LYN: variants seen among roughly 807,000 people sequenced by gnomAD.
LYN encodes the protein LYN proto-oncogene, Src family tyrosine kinase.
Under a neutral mutation model 65.0 loss-of-function variants are expected in LYN, and 12 were observed. The observed-to-expected ratio is 0.18, with a 90% CI of 0.12 to 0.30. The LOEUF is 0.30. Ranked by LOEUF, LYN falls within the 10% of genes least tolerant of loss-of-function variation. The pLI, the probability that LYN is intolerant of heterozygous loss-of-function variation, is 1.00. For missense variants in LYN, 380 were observed against 623.2 expected, an observed-to-expected ratio of 0.61 and a Z score of 4.16; for synonymous variants, 222 against 221.2, an observed-to-expected ratio of 1.00 and a Z score of -0.03.
At chr8:55,999,342 G>A in intron 11 of LYN, 76 bp from the exon 12 acceptor site, 1 of 1,314,372 alleles carries the variant, frequency 7.6e-7, no homozygotes, top group Non-Finnish European at 1.1e-6. Flanking sequence ...AGAAAAGAAA[G>A]TATGGGGTCA....
intron 4 of LYN, 44 bp downstream of exon 4, chr8:55,947,767 C>T: frequency 7.7e-7 from 1 of 1,298,562 alleles, no homozygotes; most frequent in Non-Finnish European, 1.1e-6. Context: ...TTCCTCAGGC[C>T]ACTGAGTCCT....
chr8:55,966,666 C>T (rs1563317328), intron 8 of LYN, 49 bp from the exon 9 acceptor site: 1 of 1,562,526 alleles, frequency 6.4e-7, no homozygotes, highest in Non-Finnish European at 8.7e-7. Context: ...CCTCCCCCGG[C>T]TAGATTTTCT....
intron 8 of LYN, among the ~76,000 whole-genome samples, chr8:55,960,927 C>A (rs1807254932): frequency 6.6e-6 from 1 of 152,180 alleles, no homozygotes; most frequent in South Asian, 2.1e-4. Flanking sequence ...CTTGTGACAT[C>A]TGACTTGGGT....
chr8:55,982,875 C>G (rs1012477741), intron 10 of LYN, among the ~76,000 whole-genome samples: 3 of 152,150 alleles, frequency 2.0e-5, no homozygotes, highest in African/African-American at 4.8e-5. Flanking sequence ...TGCAGCCGCT[C>G]CAGCCCCTAC....
chr8:55,929,594 G>A (rs1387343586), intron 1 of LYN, among the ~76,000 whole-genome samples: 1 of 152,144 alleles, frequency 6.6e-6, no homozygotes, highest in East Asian at 1.9e-4. Context: ...CAGATTTCCT[G>A]GCATGAAGCT....
chr8:55,927,106 A>T (rs975164516), intron 1 of LYN, among the ~76,000 whole-genome samples: 3 of 152,238 alleles, frequency 2.0e-5, no homozygotes, highest in African/African-American at 7.2e-5. Flanking sequence ...CATTAATTAA[A>T]ATCTACAGTT....
At chr8:55,907,726 C>A (rs1001572172) in intron 1 of LYN, among the ~76,000 whole-genome samples, 2 of 151,966 alleles carry the variant, frequency 1.3e-5, no homozygotes, top group Non-Finnish European at 2.9e-5. Context: ...ATTAACAGGA[C>A]GTGGTGGTGC....
chr8:55,886,568 A>G (rs899036808), intron 1 of LYN, among the ~76,000 whole-genome samples: 4 of 152,204 alleles, frequency 2.6e-5, no homozygotes, highest in Non-Finnish European at 5.9e-5. Flanking sequence ...TTTGACCACA[A>G]CCCATAGCAA....
At chr8:55,951,032 C>T (rs1043604068) in intron 6 of LYN, among the ~76,000 whole-genome samples, 2 of 151,708 alleles carry the variant, frequency 1.3e-5, no homozygotes, top group Non-Finnish European at 2.9e-5. Context: ...CACTTGAGTC[C>T]AGCAGTTAGA....
intron 9 of LYN, 83 bp downstream of exon 9, chr8:55,966,980 T>A (rs1156294962): frequency 3.1e-6 from 4 of 1,291,686 alleles, no homozygotes; most frequent in Non-Finnish European, 4.3e-6. Flanking sequence ...GTCACTCAAC[T>A]AGTTTAATTA....
intron 10 of LYN, among the ~76,000 whole-genome samples, chr8:55,980,938 C>A (rs562517911): frequency 2.6e-5 from 4 of 152,208 alleles, no homozygotes; most frequent in South Asian, 2.1e-4. Context: ...CAGCTCCCCG[C>A]GGCCGCTTGC....
At chr8:55,951,933 T>C (rs1806962187) in intron 6 of LYN, 33 bp from the exon 7 acceptor site, 1 of 1,589,950 alleles carries the variant, frequency 6.3e-7, no homozygotes, top group Non-Finnish European at 8.6e-7. Context: ...ATTTGTGAGA[T>C]ATAAACATTT....
At chr8:55,952,369 G>A (rs1021656755) in intron 7 of LYN, among the ~76,000 whole-genome samples, 1 of 151,946 alleles carries the variant, frequency 6.6e-6, no homozygotes, top group Non-Finnish European at 1.5e-5. Flanking sequence ...GACCAGCCTG[G>A]CCAACCTGGT....
At chr8:55,885,820 G>A (rs1804775256) in intron 1 of LYN, among the ~76,000 whole-genome samples, 1 of 152,194 alleles carries the variant, frequency 6.6e-6, no homozygotes, top group Admixed American at 6.5e-5. Context: ...GCAAGGAAGT[G>A]ATACTTCCTC....
At position 56,011,838 on chromosome 8, in the gene LYN, C is replaced by T. The variant is rs1332489636; in HGVS notation, c.*1728C>T. On this transcript the variant is annotated 3_prime_UTR_variant, in exon 13 of 13. Coordinates refer to ENST00000519728, the MANE Select transcript of LYN (RefSeq NM_002350.4). ...TGTCTGCACAGCTGGTCCCTTGATT[C>T]AGTGGTAAGGTTTTTGTGTACACCC... 1.1e-5 allele frequency: 2 copies of T among 183,152 alleles called. No individual in the cohort carries two copies. The highest frequency in any genetic ancestry group is 2.0e-3 in the Middle Eastern group (1 of 510). The allele number at this position is 183,152 out of a possible 1,614,324, so 11.3% of individuals were successfully genotyped here.
chr8:55,927,847 A>G (rs1317069853), intron 1 of LYN, among the ~76,000 whole-genome samples: 1 of 152,114 alleles, frequency 6.6e-6, no homozygotes, highest in African/African-American at 2.4e-5. Context: ...AGGGGGAAAA[A>G]AAAAAGAAAG....
Position 55,958,062 on chromosome 8 carries a change from G to A in LYN, c.790+4078G>A, listed in dbSNP as rs1212657823. On this transcript the variant is annotated intron_variant, in intron 8 of 12. Coordinates refer to ENST00000519728, the MANE Select transcript of LYN (RefSeq NM_002350.4). ...CAGGGGGTGCCTGGCGAGGTTGGGA[G>A]CAGGAAGTCAGGAGCTAGGCAGCCT... is the stretch of plus-strand genomic sequence containing the variant. Among the ~76,000 whole-genome samples the A allele has an allele frequency of 3.3e-5, 5 of 152,322 alleles. No individual in the cohort carries two copies. In the East Asian group the frequency reaches 9.6e-4, roughly 29 times the overall value.
intron 12 of LYN, among the ~76,000 whole-genome samples, chr8:56,007,129 A>C (rs1808696289): frequency 6.6e-6 from 1 of 152,206 alleles, no homozygotes; most frequent in Non-Finnish European, 1.5e-5. Context: ...CTGTGGCTGC[A>C]TTCTGACCTT....
intron 1 of LYN, among the ~76,000 whole-genome samples, chr8:55,926,161 C>G (rs925591914): frequency 6.6e-6 from 1 of 152,194 alleles, no homozygotes; most frequent in Non-Finnish European, 1.5e-5. Context: ...CCTGCCCTAC[C>G]TTCCTGAAGC....
Sources: allele counts gnomAD v4.1 joint callset (sites outside exome capture counted in the v4.1 genomes callset), GRCh38; gene constraint gnomAD v4.1.1; transcripts MANE v1.5; gene names NCBI Gene and HGNC (gene_info 2026-07-23, HGNC 2026-07-21).